TEX2: variants seen among roughly 807,000 people sequenced by gnomAD.
TEX2 encodes the protein testis expressed 2.
In TEX2, 53 loss-of-function variants were observed where a neutral mutation model predicts 106.9. The observed-to-expected ratio is 0.50, with a 90% CI of 0.40 to 0.62. The LOEUF (loss-of-function observed/expected upper bound fraction) is 0.62. Ranked by LOEUF, TEX2 falls within the 20% of genes least tolerant of loss-of-function variation. The pLI is 0.00. For missense variants in TEX2, 1,207 were observed against 1,379.0 expected (o/e 0.88, Z 1.98); for synonymous variants, 523 against 534.8 (o/e 0.98, Z 0.30).
intron 9 of TEX2, among the ~76,000 whole-genome samples, chr17:64,154,008 A>G (rs763759502): frequency 3.9e-5 from 6 of 152,198 alleles, no homozygotes; most frequent in Non-Finnish European, 8.8e-5. Flanking sequence ...CTGTTGTATC[A>G]GGTCACATGT....
chr17:64,219,498 T>A (rs1567951367), intron 1 of TEX2, among the ~76,000 whole-genome samples: 2 of 133,510 alleles, frequency 1.5e-5, no homozygotes, highest in African/African-American at 5.8e-5. Flanking sequence ...AGAGTGAGAC[T>A]CCATCTCATC....
chr17:64,242,049 A>G (rs2033898496), intron 1 of TEX2, among the ~76,000 whole-genome samples: 1 of 152,218 alleles, frequency 6.6e-6, no homozygotes, highest in Non-Finnish European at 1.5e-5. Context: ...CTGTATCCCA[A>G]TGCTGGCACT....
At chr17:64,167,502 G>A (rs962166336) in intron 7 of TEX2, among the ~76,000 whole-genome samples, 10 of 152,050 alleles carry the variant, frequency 6.6e-5, no homozygotes, top group African/African-American at 2.4e-4. Context: ...CTCACGACAA[G>A]CTTATGAAGT....
intron 2 of TEX2, among the ~76,000 whole-genome samples, chr17:64,204,475 A>G (rs1187865912): frequency 6.6e-6 from 1 of 152,212 alleles, no homozygotes; most frequent in East Asian, 1.9e-4. Flanking sequence ...ATATATGGTC[A>G]TCTGTATGTT....
chr17:64,253,619 C>T (rs1316353577), intron 1 of TEX2, among the ~76,000 whole-genome samples: 1 of 152,086 alleles, frequency 6.6e-6, no homozygotes, highest in African/African-American at 2.4e-5. Flanking sequence ...GGCAGAGAAG[C>T]TTCAGAGAAA....
At chr17:64,262,960 A>G (rs1461263740) in intron 1 of TEX2, among the ~76,000 whole-genome samples, 2 of 151,916 alleles carry the variant, frequency 1.3e-5, no homozygotes, top group African/African-American at 4.8e-5. Flanking sequence ...GGGGCCCCGA[A>G]GGAAGGGATT....
At chr17:64,177,288 A>G in intron 6 of TEX2, 37 bp downstream of exon 6, 1 of 1,610,810 alleles carries the variant, frequency 6.2e-7, no homozygotes, top group Non-Finnish European at 8.5e-7. Context: ...ATGAAGAAGT[A>G]TAGAGGATTA....
chr17:64,183,681 G>A (rs1432926931), intron 5 of TEX2, among the ~76,000 whole-genome samples: 1 of 152,202 alleles, frequency 6.6e-6, no homozygotes, highest in African/African-American at 2.4e-5. Flanking sequence ...ACCCGCCTCG[G>A]CCTCCCAAAG....
rs1484321629 is a variant in TEX2 at position 64,205,846 on chromosome 17, T to TA, written c.1644+6727dup. 7.2e-5 allele frequency among the ~76,000 whole-genome samples: 11 copies of TA among 152,158 alleles called. No homozygotes were observed. The highest frequency in any genetic ancestry group is 1.3e-4 in the Non-Finnish European group (9 of 68,020). ...TAGTCAAACTTGCAGGCCATATCTT[T>TA]AAAAAAGAGATGGATTATCACTCTG... On this transcript the variant is annotated intron_variant, in intron 2 of 11. Coordinates refer to ENST00000584379, the MANE Select transcript of TEX2 (RefSeq NM_001288732.2). The surrounding 1 kb of genome is among the most constrained non-coding windows in gnomAD (Gnocchi z 4.0).
At chr17:64,177,555 T>C (rs2031665425) in intron 5 of TEX2, 84 bp from the exon 6 acceptor site, 7 of 1,457,770 alleles carry the variant, frequency 4.8e-6, no homozygotes, top group African/African-American at 4.3e-5. Flanking sequence ...TCACTGAAGG[T>C]CCCTCCTTAT....
intron 9 of TEX2, 140 bp downstream of exon 9, chr17:64,154,701 TG>T: frequency 9.1e-7 from 1 of 1,093,270 alleles, no homozygotes; most frequent in Non-Finnish European, 1.2e-6. Context: ...ACCACTGACC[TG>T]GGATATTAAT....
intron 6 of TEX2, among the ~76,000 whole-genome samples, chr17:64,173,876 C>T (rs1265418824): frequency 6.6e-6 from 1 of 151,816 alleles, no homozygotes; most frequent in Non-Finnish European, 1.5e-5. Context: ...AACAGGATTT[C>T]GCTCTGTCAC....
chr17:64,155,126 A>G (rs1432932970), intron 8 of TEX2, 159 bp from the exon 9 acceptor site: 1 of 875,424 alleles, frequency 1.1e-6, no homozygotes, highest in East Asian at 3.2e-5. Context: ...AAACCAGAAG[A>G]GGCCCAATCC....
chr17:64,208,290 G>A (rs564727208), intron 2 of TEX2, among the ~76,000 whole-genome samples: 1 of 152,082 alleles, frequency 6.6e-6, no homozygotes, highest in East Asian at 1.9e-4. Context: ...CCAGGCTGGA[G>A]TGCGGTGGCA....
Position 64,152,964 on chromosome 17 carries a change from G to A in TEX2, c.3121C>T (p.Pro1041Ser), listed in dbSNP as rs756564233. Residue 1041 changes from proline to serine, a missense_variant, in exon 10 of 12, where the codon CCC becomes TCC. Pro to Ser is a moderately conservative substitution (Grantham distance 74). Around this residue, in one of 3 missense-constraint regions of TEX2, gnomAD observed 63 missense variants for 112.2 expected, o/e 0.56. Coordinates refer to ENST00000584379, the MANE Select transcript of TEX2 (RefSeq NM_001288732.2). ...ACGCACCATACTCGGTCAGTCGGGG[G>A]TGGTGGAATGTTGACCGCCAAGGTT... ...RGTLAVNIPP[P>S]PTDRVWYGFR... 13 of 1,614,066 alleles carry A rather than the reference G, an allele frequency of 8.1e-6. No homozygotes were observed.
At chr17:64,219,508 C>CATAACATAAAATAAATAAAAAATA (rs1555633014) in intron 1 of TEX2, among the ~76,000 whole-genome samples, 23 of 134,914 alleles carry the variant, frequency 1.7e-4, no homozygotes, top group African/African-American at 6.1e-4. Context: ...TCCATCTCAT[C>CATAACATAAAATAAATAAAAAATA]AAATAAAATA....
chr17:64,188,106 C>G, intron 5 of TEX2, 62 bp downstream of exon 5: 2 of 1,560,262 alleles, frequency 1.3e-6, no homozygotes, highest in South Asian at 2.3e-5. Context: ...GGAGCACTTA[C>G]GCATGAAGAA....
chr17:64,205,524 A>G lies in TEX2; in HGVS notation c.1644+7050T>C, dbSNP rs2032803687. ...TAAGAGACCAACAAAAAGCAATCCA[A>G]GTCTCTTTGGGCTGCATGTAATGGC... is the stretch of plus-strand genomic sequence containing the variant. On this transcript the variant is annotated intron_variant, in intron 2 of 11. Coordinates refer to ENST00000584379, the MANE Select transcript of TEX2 (RefSeq NM_001288732.2). The surrounding 1 kb of genome is among the most constrained non-coding windows in gnomAD (Gnocchi z 4.0). Among the ~76,000 whole-genome samples the G allele has an allele frequency of 6.6e-6, 1 of 152,104 alleles. No homozygotes were observed. Among genetic ancestry groups the G allele is most frequent in the South Asian group, 2.1e-4 (1 of 4,822 alleles).
intron 1 of TEX2, among the ~76,000 whole-genome samples, chr17:64,236,160 G>A (rs1256304156): frequency 6.6e-6 from 1 of 150,554 alleles, no homozygotes; most frequent in East Asian, 1.9e-4. Context: ...GAAAATATTC[G>A]GGGAAAAAAA....
Sources: gnomAD v4.1 joint callset for allele counts (sites outside exome capture counted in the v4.1 genomes callset) on GRCh38, gnomAD v4.1.1 for gene constraint, gnomAD v4.1.1 regional missense constraint, Gnocchi (gnomAD v3.1) non-coding constraint, MANE v1.5 for transcripts, NCBI Gene and HGNC (gene_info 2026-07-23, HGNC 2026-07-21) for gene names.